The following PRDM2 variants were observed in gnomAD, a reference collection of about 807,000 sequenced individuals.
The protein encoded by PRDM2 is PR/SET domain 2, also known as PR domain zinc finger protein 2.
Under a neutral mutation model 130.0 loss-of-function variants are expected in PRDM2, and 30 were observed. The observed-to-expected ratio is 0.23, with a 90% CI of 0.17 to 0.31. PRDM2 has a LOEUF of 0.31. Ranked by LOEUF, PRDM2 falls within the 10% of genes least tolerant of loss-of-function variation. The pLI, the probability that PRDM2 is intolerant of heterozygous loss-of-function variation, is 1.00. For synonymous variants in PRDM2, 871 were observed against 782.4 expected, an observed-to-expected ratio of 1.11 and a Z score of -1.89; for missense variants, 2,011 against 2,108.4, an observed-to-expected ratio of 0.95 and a Z score of 0.90.
Position 13,780,023 on chromosome 1 carries a change from C to G in PRDM2, c.2228C>G (p.Ser743Cys), listed in dbSNP as rs751931548. 6.2e-7 allele frequency: 1 copy of G among 1,614,208 alleles called. No homozygotes were observed. The highest frequency in any genetic ancestry group is 1.1e-5 in the South Asian group (1 of 91,084). Residue 743 changes from serine to cysteine, a missense_variant, in exon 8 of 10, where the codon TCT becomes TGT. Around this residue, in one of 5 missense-constraint regions of PRDM2, gnomAD observed 1,288 missense variants for 1,237.7 expected, o/e 1.04. Transcript: ENST00000311066. Reference sequence around the variant, plus strand: ...AGGCGGACCAGCTCTCCTCCCAGTTCTCCACAGCACAGTCCTGCCCTTCGA... The same window carrying G: ...AGGCGGACCAGCTCTCCTCCCAGTTGTCCACAGCACAGTCCTGCCCTTCGA... ...FKRRTSSPPS[S>C]PQHSPALRDF...
At chr1:13,788,048 A>G (rs1644777038) in intron 8 of PRDM2, 9 of 979,656 alleles carry the variant, frequency 9.2e-6, no homozygotes, top group African/African-American at 3.5e-5. Flanking sequence ...TGCATTTTAT[A>G]TTATTGTAAC....
At chr1:13,798,588 G>A (rs1298417004) in intron 8 of PRDM2, among the ~76,000 whole-genome samples, 2 of 152,144 alleles carry the variant, frequency 1.3e-5, no homozygotes, top group South Asian at 2.1e-4. Context: ...CCAAAGATTC[G>A]AGTCCTTACA....
intron 8 of PRDM2, chr1:13,783,137 ACTTC>A: frequency 1.8e-6 from 1 of 566,982 alleles, no homozygotes; most frequent in Non-Finnish European, 3.2e-6. Context: ...ATCCTCTCAA[ACTTC>A]CTTTATGTCT....
chr1:13,731,393 GA>G (rs1643104990), intron 3 of PRDM2, among the ~76,000 whole-genome samples: 1 of 152,016 alleles, frequency 6.6e-6, no homozygotes, highest in African/African-American at 2.4e-5. Context: ...CTCCTCCTCT[GA>G]GTCTCCCTGC....
intron 8 of PRDM2, among the ~76,000 whole-genome samples, chr1:13,789,108 A>C (rs533625398): frequency 6.6e-6 from 1 of 152,158 alleles, no homozygotes; most frequent in African/African-American, 2.4e-5. Flanking sequence ...TCAGATGTTT[A>C]CTGGAGGAGT....
At chr1:13,709,276 T>TCCCC (rs1642298384) in intron 1 of PRDM2, among the ~76,000 whole-genome samples, 1 of 152,170 alleles carries the variant, frequency 6.6e-6, no homozygotes, top group Non-Finnish European at 1.5e-5. Context: ...GATTTAAATG[T>TCCCC]TTGGTTTAAA....
At chr1:13,712,655 G>T (rs1182142308) in intron 1 of PRDM2, among the ~76,000 whole-genome samples, 1 of 152,222 alleles carries the variant, frequency 6.6e-6, no homozygotes, top group East Asian at 1.9e-4. Context: ...TACTCAGGAG[G>T]CTGAGGCAGG....
Position 13,782,641 on chromosome 1 carries a change from C to G in PRDM2, c.4846C>G (p.Gln1616Glu). Residue 1616 changes from glutamine (Q) to glutamate (E), a missense_variant, in exon 8 of 10, where the codon CAG (glutamine) becomes GAG (glutamate). Physicochemically the swap from Gln to Glu is conservative, Grantham distance 29 (BLOSUM62 2). Transcript: ENST00000311066. The part of the protein sequence containing the change: ...KTSRSLHVRV[Q>E]KSKAVLQSKS... ...ATCACGGAGCCTGCACGTGAGGGTA[C>G]AGAAAAGCAAAGCTGTTTTACAAAG... 5 of 1,614,126 alleles carry G rather than the reference C, an allele frequency of 3.1e-6. No individual in the cohort carries two copies. Among genetic ancestry groups the G allele is most frequent in the Non-Finnish European group, 4.2e-6 (5 of 1,180,036 alleles).
chr1:13,760,521 C>T (rs1644071206), intron 6 of PRDM2, among the ~76,000 whole-genome samples: 1 of 152,102 alleles, frequency 6.6e-6, no homozygotes, highest in African/African-American at 2.4e-5. Flanking sequence ...CCCAGCTATA[C>T]CTTGAGTGTT....
Position 13,782,599 on chromosome 1 carries a change from C to T in PRDM2, c.4804C>T (p.Gln1602Ter). ...AGCTGTGGCCAAGAATCATTCTGCT[C>T]AGCTTTCCAGCAAAACATCACGGAG... ...PKAVAKNHSA[Q>*]LSSKTSRSLH... is the part of the protein sequence containing the mutation. Residue 1602 changes from glutamine to a stop codon, truncating the protein, a stop_gained, in exon 8 of 10, where the codon CAG becomes TAG. Coordinates refer to ENST00000311066, the MANE Select transcript of PRDM2 (RefSeq NM_001393986.1). LOFTEE classifies it high-confidence loss of function. The T allele has an allele frequency of 1.2e-6, 2 of 1,614,174 alleles. No homozygotes were observed. The highest frequency in any genetic ancestry group is 1.7e-6 in the Non-Finnish European group (2 of 1,180,038).
chr1:13,733,959 A>G (rs1214828158), intron 4 of PRDM2, among the ~76,000 whole-genome samples: 1 of 152,244 alleles, frequency 6.6e-6, no homozygotes, highest in African/African-American at 2.4e-5. Context: ...CTTTTCATCA[A>G]GAAGTTCTGT....
At position 13,780,240 on chromosome 1, in the gene PRDM2, T is replaced by G; in HGVS notation, c.2445T>G (p.Phe815Leu). ...MSKEWTASSA[F>L]SSVCNQQPLD... ...AAGAGTGGACAGCTAGTTCTGCTTT[T>G]AGCAGTGTGTGCAACCAGCAGCCAC... Residue 815 changes from phenylalanine to leucine, a missense_variant, in exon 8 of 10, where the codon TTT (phenylalanine) becomes TTG (leucine). Phe to Leu is a conservative substitution (Grantham distance 22). Coordinates refer to ENST00000311066, the MANE Select transcript of PRDM2 (RefSeq NM_001393986.1). 6.2e-7 allele frequency: 1 copy of G among 1,612,968 alleles called. No homozygotes were observed. Among genetic ancestry groups the G allele is most frequent in the Non-Finnish European group, 8.5e-7 (1 of 1,179,350 alleles).
At chr1:13,768,246 C>G (rs965313717) in intron 6 of PRDM2, among the ~76,000 whole-genome samples, 1 of 150,532 alleles carries the variant, frequency 6.6e-6, no homozygotes, top group Non-Finnish European at 1.5e-5. Flanking sequence ...CCACGCCCGG[C>G]TAATGCTTTT....
At chr1:13,722,878 A>G (rs1300895380) in intron 2 of PRDM2, 2 of 514,742 alleles carry the variant, frequency 3.9e-6, no homozygotes, top group African/African-American at 3.9e-5. Context: ...CTTATTCAAG[A>G]AGACAAAAGG....
At chr1:13,741,145 T>C (rs1643425387) in intron 4 of PRDM2, among the ~76,000 whole-genome samples, 1 of 152,242 alleles carries the variant, frequency 6.6e-6, no homozygotes, top group African/African-American at 2.4e-5. Context: ...TATGTATGCA[T>C]GTATATACAA....
chr1:13,728,639 G>A (rs1643003355), intron 2 of PRDM2, among the ~76,000 whole-genome samples: 1 of 148,184 alleles, frequency 6.7e-6, no homozygotes, highest in African/African-American at 2.4e-5. Context: ...CCTCTGCTGG[G>A]TGTATGAGTC....
chr1:13,747,790 GAAACAAA>G (rs977720504), intron 5 of PRDM2, among the ~76,000 whole-genome samples: 3 of 123,196 alleles, frequency 2.4e-5, no homozygotes, highest in Non-Finnish European at 1.7e-5. Context: ...AAAAAAAAAA[GAAACAAA>G]AAACAAAAAG....
intron 2 of PRDM2, among the ~76,000 whole-genome samples, chr1:13,716,712 C>T (rs1340083824): frequency 6.6e-6 from 1 of 152,154 alleles, no homozygotes; most frequent in Admixed American, 6.5e-5. Context: ...ATAATATATT[C>T]TAGAGTAGGA....
At position 13,780,668 on chromosome 1, in the gene PRDM2, C is replaced by T. The variant is rs374833879; in HGVS notation, c.2873C>T (p.Ser958Phe). 5.6e-6 allele frequency: 9 copies of T among 1,611,436 alleles called. No homozygotes were observed. In the African/African-American group the frequency reaches 8.0e-5, roughly 14 times the overall value. Residue 958 changes from serine to phenylalanine, a missense_variant, in exon 8 of 10, where the codon TCC becomes TTC. By Grantham distance (155) the Ser-to-Phe change is radical. Coordinates refer to ENST00000311066, the MANE Select transcript of PRDM2 (RefSeq NM_001393986.1). Reference protein sequence around the residue: ...SPALQTPSLSSGQLPPLLIPT... With the variant: ...SPALQTPSLSFGQLPPLLIPT... The stretch of plus-strand genomic sequence containing the variant: ...GCCCTGCAGACACCCTCCCTTTCAT[C>T]CGGTCAGCTGCCTCCTCTCTTGATC...
Sources: gnomAD v4.1 joint callset for allele counts (sites outside exome capture counted in the v4.1 genomes callset) on GRCh38, gnomAD v4.1.1 for gene constraint, gnomAD v4.1.1 regional missense constraint, MANE v1.5 for transcripts, NCBI Gene and HGNC (gene_info 2026-07-23, HGNC 2026-07-21) for gene names.